The following TBC1D1 variants were observed in gnomAD, a reference collection of about 807,000 sequenced individuals.
TBC1D1 encodes the protein TBC1 (tre-2/USP6, BUB2, cdc16) domain family, member 1.
In TBC1D1, 89 loss-of-function variants were observed where a neutral mutation model predicts 125.6. That is an observed-to-expected ratio of 0.71 (90% CI 0.60 to 0.85). The LOEUF (loss-of-function observed/expected upper bound fraction) is 0.85, where lower values mean the gene tolerates loss of function less well. TBC1D1 is among the 40% of genes least tolerant of loss of function. The pLI is 0.00. For missense variants in TBC1D1, 1,377 were observed against 1,469.2 expected (o/e 0.94, Z 1.03); for synonymous variants, 565 against 564.1 (o/e 1.00, Z -0.02).
At chr4:37,914,737 G>C (rs1719351530) in intron 2 of TBC1D1, among the ~76,000 whole-genome samples, 1 of 152,156 alleles carries the variant, frequency 6.6e-6, no homozygotes, top group African/African-American at 2.4e-5. Flanking sequence ...CCTTCCCGTT[G>C]CTCTCTGGAC....
At chr4:38,001,812 A>G (rs2152407040) in intron 2 of TBC1D1, among the ~76,000 whole-genome samples, 2 of 152,356 alleles carry the variant, frequency 1.3e-5, no homozygotes, top group South Asian at 4.1e-4. Context: ...CAAATACTGT[A>G]TGTGCTCATC....
intron 2 of TBC1D1, among the ~76,000 whole-genome samples, chr4:37,966,633 CT>C (rs1196270882): frequency 2.0e-5 from 3 of 152,224 alleles, no homozygotes; most frequent in Non-Finnish European, 4.4e-5. Context: ...CACCTTTTAT[CT>C]TTTTTTAATT....
intron 12 of TBC1D1, among the ~76,000 whole-genome samples, chr4:38,082,669 A>G (rs1396568816): frequency 6.6e-6 from 1 of 152,092 alleles, no homozygotes; most frequent in Non-Finnish European, 1.5e-5. Flanking sequence ...TAGACCTCCC[A>G]TTTAGAGCCA....
At chr4:37,990,815 G>C (rs1736388481) in intron 2 of TBC1D1, among the ~76,000 whole-genome samples, 1 of 152,132 alleles carries the variant, frequency 6.6e-6, no homozygotes, top group South Asian at 2.1e-4. Context: ...TGTGGTCTCT[G>C]GATATTTTTC....
chr4:38,120,545 G>C (rs1233890486), intron 17 of TBC1D1, among the ~76,000 whole-genome samples: 3 of 152,168 alleles, frequency 2.0e-5, no homozygotes, highest in Non-Finnish European at 4.4e-5. Context: ...CTAAAAACAT[G>C]TAGAACTTTG....
chr4:37,953,017 G>T (rs542435058), intron 2 of TBC1D1, among the ~76,000 whole-genome samples: 39 of 152,288 alleles, frequency 2.6e-4, no homozygotes, highest in African/African-American at 9.1e-4. Flanking sequence ...CGTGGTTTTG[G>T]ATATGCCGTG....
At position 37,995,775 on chromosome 4, in the gene TBC1D1, C is replaced by A; in HGVS notation, c.418-18734C>A. On this transcript the variant is annotated intron_variant, in intron 2 of 19. Coordinates refer to ENST00000261439, the MANE Select transcript of TBC1D1 (RefSeq NM_015173.4). This position sits in a 1 kb window ranked among gnomAD's most constrained non-coding sequence, Gnocchi z 4.3. ...TCTTAACTGCATTCACCCTCTCCAG[C>A]ACCTTCTCCTGGATTGCTACCCCAA... 1.9e-6 allele frequency: 1 copy of A among 536,502 alleles called. No individual in the cohort carries two copies. Among genetic ancestry groups the A allele is most frequent in the Non-Finnish European group, 3.7e-6 (1 of 266,766 alleles). The allele number at this position is 536,502 out of a possible 1,614,324, so 33.2% of individuals were successfully genotyped here.
At chr4:38,066,664 C>T (rs1429077776) in intron 12 of TBC1D1, among the ~76,000 whole-genome samples, 1 of 152,134 alleles carries the variant, frequency 6.6e-6, no homozygotes, top group African/African-American at 2.4e-5. Context: ...CAGACATCTC[C>T]TGGAGGTGGC....
chr4:38,125,314 C>T (rs1163431072), intron 18 of TBC1D1, among the ~76,000 whole-genome samples, 183 bp downstream of exon 20: 4 of 152,088 alleles, frequency 2.6e-5, no homozygotes, highest in Admixed American at 2.0e-4. Context: ...GTGTTGTGAG[C>T]GTCATGGTGA....
chr4:38,083,074 T>A lies in TBC1D1; in HGVS notation c.2051-6858T>A, dbSNP rs375827280. ...TCCCATCTCAGGCAGAGTTAGGTGC[T>A]CTGTTCTGTGTCCATAGCTCTTTTT... On this transcript the variant is annotated intron_variant, in intron 12 of 19. Coordinates refer to ENST00000261439, the MANE Select transcript of TBC1D1 (RefSeq NM_015173.4). Among the ~76,000 whole-genome samples, 20 of 152,326 alleles carry A rather than the reference T, an allele frequency of 1.3e-4. No homozygotes were observed. The South Asian group carries it at 4.1e-3, about 32-fold the overall frequency.
intron 12 of TBC1D1, among the ~76,000 whole-genome samples, chr4:38,077,821 A>G (rs1755858786): frequency 6.6e-6 from 1 of 152,070 alleles, no homozygotes; most frequent in African/African-American, 2.4e-5. Flanking sequence ...ACTCCATGAT[A>G]ATCCAGGGAC....
intron 2 of TBC1D1, among the ~76,000 whole-genome samples, chr4:37,915,734 T>C (rs142877061): frequency 1.1e-3 from 160 of 152,236 alleles, no homozygotes; most frequent in African/African-American, 3.4e-3. Flanking sequence ...ATTAATTTAT[T>C]TCCTCATTTT....
At position 38,021,607 on chromosome 4, in the gene TBC1D1, C is replaced by A; in HGVS notation, c.1099C>A (p.Leu367Met). Residue 367 changes from leucine (L) to methionine (M), a missense_variant, in exon 6 of 20, where the codon CTG becomes ATG. Physicochemically the swap from Leu to Met is conservative, Grantham distance 15. This residue lies in a region of TBC1D1 where 822 missense variants were observed against 824.6 expected (regional missense o/e 1.00). Transcript: ENST00000261439. ...TTAGGTTGATGAAATTATGATGACC[C>A]TGAAACAGGCCTTCACGGTGGCCGC... The A allele has an allele frequency of 6.3e-7, 1 of 1,579,370 alleles. No individual in the cohort carries two copies. The highest frequency in any genetic ancestry group is 1.2e-5 in the South Asian group (1 of 86,728).
chr4:38,042,210 G>T (rs1164443251), intron 8 of TBC1D1, among the ~76,000 whole-genome samples: 2 of 151,950 alleles, frequency 1.3e-5, no homozygotes, highest in Non-Finnish European at 2.9e-5. Flanking sequence ...TCATAGAGTA[G>T]GTAATAGTCA....
rs117309738 is a variant in TBC1D1, at chr4:38,085,709, A to G, written c.2051-4223A>G. On this transcript the variant is annotated intron_variant, in intron 12 of 19. Coordinates refer to ENST00000261439, the MANE Select transcript of TBC1D1 (RefSeq NM_015173.4). ...AGCCGGATCCCTGGGATTGTTCTAGAGAGTAGAAACCTCAGAGTAGCCCTC... is the reference window on the plus strand; with the variant it reads ...AGCCGGATCCCTGGGATTGTTCTAGGGAGTAGAAACCTCAGAGTAGCCCTC... Among the ~76,000 whole-genome samples, 85 of 152,352 alleles carry G rather than the reference A, an allele frequency of 5.6e-4. 1 individual carries two copies. The East Asian group carries it at 0.015, about 27-fold the overall frequency.
At chr4:37,932,235 A>G (rs1228347219) in intron 2 of TBC1D1, among the ~76,000 whole-genome samples, 1 of 152,196 alleles carries the variant, frequency 6.6e-6, no homozygotes, top group Non-Finnish European at 1.5e-5. Flanking sequence ...TCTAAAACTG[A>G]TTCCTTTCAT....
At position 38,035,158 on chromosome 4, in the gene TBC1D1, G is replaced by A. The variant is rs544506225; in HGVS notation, c.1303-430G>A. On this transcript the variant is annotated intron_variant, in intron 7 of 19. Transcript: ENST00000261439. ...ATGGGGATTCCACAGAGTGCTTCAC[G>A]GTGAACACATTCGACATAGGAAATT... Among the ~76,000 whole-genome samples the A allele has an allele frequency of 6.6e-5, 10 of 152,302 alleles. 1 individual carries two copies. The highest frequency in any genetic ancestry group is 3.9e-4 in the East Asian group (2 of 5,190).
At chr4:38,072,236 G>C (rs1754827785) in intron 12 of TBC1D1, among the ~76,000 whole-genome samples, 1 of 152,214 alleles carries the variant, frequency 6.6e-6, no homozygotes. Flanking sequence ...AGAGAGGCAG[G>C]GTTTGGGAAT....
chr4:38,075,544 T>A (rs976779126), intron 12 of TBC1D1, among the ~76,000 whole-genome samples: 1 of 152,220 alleles, frequency 6.6e-6, no homozygotes, highest in African/African-American at 2.4e-5. Flanking sequence ...AAACTTTTTG[T>A]TTCATCTTGA....
Sources: allele counts gnomAD v4.1 joint callset (sites outside exome capture counted in the v4.1 genomes callset), GRCh38; gene constraint gnomAD v4.1.1; regional missense constraint gnomAD v4.1.1; non-coding constraint Gnocchi (gnomAD v3.1); transcripts MANE v1.5; gene names NCBI Gene and HGNC (gene_info 2026-07-23, HGNC 2026-07-21).